The following IGF2BP2 variants were observed in gnomAD, a reference collection of about 807,000 sequenced individuals.
The protein encoded by IGF2BP2 is insulin like growth factor 2 mRNA binding protein 2.
A neutral mutation model predicts 75.8 loss-of-function variants in IGF2BP2; 17 were observed. The observed-to-expected ratio is 0.22, with a 90% CI of 0.15 to 0.34. IGF2BP2 has a LOEUF of 0.34. Among genes scored for constraint, IGF2BP2 ranks in the 10% least tolerant of loss-of-function variants. IGF2BP2 has a pLI of 1.00. For synonymous variants in IGF2BP2, 288 were observed against 295.6 expected (o/e 0.97, Z 0.26); for missense variants, 516 against 772.4 (o/e 0.67, Z 3.93).
At chr3:185,820,247 C>T (rs1219511573) in intron 2 of IGF2BP2, among the ~76,000 whole-genome samples, 34 of 74,638 alleles carry the variant, frequency 4.6e-4, no homozygotes, top group African/African-American at 9.1e-4. Context: ...CACACACACA[C>T]ACACACACAC....
At chr3:185,694,898 C>G (rs577253645) in intron 4 of IGF2BP2, among the ~76,000 whole-genome samples, 1 of 152,244 alleles carries the variant, frequency 6.6e-6, no homozygotes, top group Non-Finnish European at 1.5e-5. Context: ...GCCAGCCTGG[C>G]CAACACGGTG....
At chr3:185,777,038 G>A (rs1458496951) in intron 2 of IGF2BP2, among the ~76,000 whole-genome samples, 2 of 152,182 alleles carry the variant, frequency 1.3e-5, no homozygotes, top group Non-Finnish European at 2.9e-5. Context: ...GTACTAAAGA[G>A]TTGCTACATT....
intron 2 of IGF2BP2, among the ~76,000 whole-genome samples, chr3:185,810,771 C>CA (rs999636588): frequency 2.4e-3 from 226 of 94,336 alleles, no homozygotes; most frequent in East Asian, 4.5e-3. Flanking sequence ...GACTCTGTCT[C>CA]AAAAAAAAAA....
At chr3:185,793,129 C>T (rs1736872307) in intron 2 of IGF2BP2, among the ~76,000 whole-genome samples, 1 of 152,148 alleles carries the variant, frequency 6.6e-6, no homozygotes, top group Non-Finnish European at 1.5e-5. Context: ...TATCTTACTG[C>T]GCAATTATAT....
chr3:185,783,298 G>C (rs974207356), intron 2 of IGF2BP2, among the ~76,000 whole-genome samples: 1 of 152,154 alleles, frequency 6.6e-6, no homozygotes. Flanking sequence ...GAAGGTCATG[G>C]AAGGCCTAAC....
At chr3:185,811,993 C>A (rs1236334743) in intron 2 of IGF2BP2, among the ~76,000 whole-genome samples, 1 of 152,064 alleles carries the variant, frequency 6.6e-6, no homozygotes, top group Non-Finnish European at 1.5e-5. Flanking sequence ...GAAGAAATCA[C>A]TGAGAAAACA....
chr3:185,686,513 G>A (rs895370052), intron 7 of IGF2BP2, among the ~76,000 whole-genome samples: 1 of 152,158 alleles, frequency 6.6e-6, no homozygotes, highest in Non-Finnish European at 1.5e-5. Context: ...AATGTTAAGA[G>A]TGCAAACAAT....
intron 2 of IGF2BP2, chr3:185,716,499 C>A: frequency 1.9e-6 from 1 of 520,066 alleles, no homozygotes; most frequent in South Asian, 1.4e-5. Flanking sequence ...ATAAAAAGAA[C>A]AGCTTTTGGG....
At chr3:185,656,049 CG>C (rs1433187798) in intron 12 of IGF2BP2, among the ~76,000 whole-genome samples, 2 of 152,242 alleles carry the variant, frequency 1.3e-5, no homozygotes, top group East Asian at 3.8e-4. Flanking sequence ...CTGAACAAGA[CG>C]GGGATTGGAT....
chr3:185,711,711 T>C (rs1258625530), intron 2 of IGF2BP2, among the ~76,000 whole-genome samples: 2 of 152,162 alleles, frequency 1.3e-5, no homozygotes, highest in South Asian at 2.1e-4. Flanking sequence ...CCTACCTCTT[T>C]TTCCTTCCCT....
intron 2 of IGF2BP2, among the ~76,000 whole-genome samples, chr3:185,815,490 G>C (rs951447415): frequency 2.6e-5 from 4 of 152,212 alleles, no homozygotes; most frequent in Non-Finnish European, 5.9e-5. Context: ...AGTTATTTTA[G>C]AGTCTGAAGC....
At chr3:185,649,872 A>G (rs1044531068) in intron 13 of IGF2BP2, among the ~76,000 whole-genome samples, 3 of 152,168 alleles carry the variant, frequency 2.0e-5, no homozygotes, top group Non-Finnish European at 2.9e-5. Context: ...TATCACCTAT[A>G]AAGATTTGCT....
intron 2 of IGF2BP2, among the ~76,000 whole-genome samples, chr3:185,788,216 C>T (rs1736150435): frequency 6.6e-6 from 1 of 152,164 alleles, no homozygotes; most frequent in African/African-American, 2.4e-5. Flanking sequence ...GGATCCCTGT[C>T]ATCTCTAAAG....
At chr3:185,665,197 AAGG>A (rs1205718482) in intron 10 of IGF2BP2, among the ~76,000 whole-genome samples, 32 of 145,962 alleles carry the variant, frequency 2.2e-4, no homozygotes, top group African/African-American at 7.9e-4. Flanking sequence ...AGAGGAGAAG[AAGG>A]AGAAGAAGGA....
At chr3:185,733,455 C>T (rs1403825375) in intron 2 of IGF2BP2, among the ~76,000 whole-genome samples, 1 of 152,082 alleles carries the variant, frequency 6.6e-6, no homozygotes, top group Non-Finnish European at 1.5e-5. Context: ...TAAAATTTAA[C>T]AGATAATAAA....
intron 2 of IGF2BP2, chr3:185,716,757 G>A (rs1725695435): frequency 1.9e-6 from 1 of 519,854 alleles, no homozygotes; most frequent in South Asian, 1.4e-5. Context: ...GAATGGAAGT[G>A]GGAGGACATC....
At chr3:185,821,066 C>T (rs993508752) in intron 2 of IGF2BP2, 4 of 1,535,308 alleles carry the variant, frequency 2.6e-6, no homozygotes, top group Non-Finnish European at 3.5e-6. Flanking sequence ...GAACATACAG[C>T]TGCTTCATCC....
chr3:185,772,871 C>T (rs1282912055), intron 2 of IGF2BP2, among the ~76,000 whole-genome samples: 1 of 152,172 alleles, frequency 6.6e-6, no homozygotes, highest in Non-Finnish European at 1.5e-5. Context: ...CGTGAGCCAC[C>T]GTGCCCGGCC....
At position 185,677,401 on chromosome 3, in the gene IGF2BP2, G is replaced by A. The variant is rs957264797; in HGVS notation, c.813-1488C>T. 7.2e-5 allele frequency among the ~76,000 whole-genome samples: 11 copies of A among 152,184 alleles called. No individual in the cohort carries two copies. The South Asian group carries it at 1.9e-3, about 26-fold the overall frequency. ...ACTGCAGTTCTACAGTCAGACACCA[G>A]AGGGATCAAGAGATTAGAAAAGGTT... On this transcript the variant is annotated intron_variant, in intron 7 of 15. Coordinates refer to ENST00000382199, the MANE Select transcript of IGF2BP2 (RefSeq NM_006548.6).
Sources: gnomAD v4.1 joint callset for allele counts (sites outside exome capture counted in the v4.1 genomes callset) on GRCh38, gnomAD v4.1.1 for gene constraint, MANE v1.5 for transcripts, NCBI Gene and HGNC (gene_info 2026-07-23, HGNC 2026-07-21) for gene names.